EYS: variants seen among roughly 807,000 people sequenced by gnomAD.
The protein encoded by EYS is EGF-like photoreceptor maintenance factor.
A neutral mutation model predicts 282.1 loss-of-function variants in EYS; 250 were observed. That is an observed-to-expected ratio of 0.89 (90% CI 0.80 to 0.98). EYS has a LOEUF of 0.98. Among genes scored for constraint, EYS ranks in the 50% least tolerant of loss-of-function variants. EYS has a pLI of 0.00. For synonymous variants in EYS, 1,355 were observed against 1,282.9 expected (o/e 1.06, Z -1.20); for missense variants, 4,016 against 3,709.0 (o/e 1.08, Z -2.15).
intron 2 of EYS, among the ~76,000 whole-genome samples, chr6:65,525,600 A>G (rs1276817081): frequency 6.6e-6 from 1 of 152,252 alleles, no homozygotes; most frequent in Non-Finnish European, 1.5e-5. Context: ...TTAATCTAAC[A>G]AAGGTATTGT....
chr6:64,749,706 A>G (rs1772678178), intron 22 of EYS, among the ~76,000 whole-genome samples: 1 of 152,170 alleles, frequency 6.6e-6, no homozygotes, highest in Non-Finnish European at 1.5e-5. Context: ...ATCAAAAACT[A>G]AAGCAGATTT....
chr6:64,694,271 G>A (rs1203199156), intron 22 of EYS, among the ~76,000 whole-genome samples: 1 of 151,890 alleles, frequency 6.6e-6, no homozygotes, highest in Non-Finnish European at 1.5e-5. Flanking sequence ...AGGAACATGG[G>A]GTCACAACAT....
At chr6:63,907,987 TAC>T (rs60426309) in intron 35 of EYS, among the ~76,000 whole-genome samples, 17,721 of 105,414 alleles carry the variant, frequency 0.17, 1,425 homozygotes, top group African/African-American at 0.27. Flanking sequence ...TGTATATATG[TAC>T]ACACACACAC....
chr6:63,877,833 G>A (rs918998405), intron 35 of EYS, among the ~76,000 whole-genome samples: 1 of 152,074 alleles, frequency 6.6e-6, no homozygotes, highest in Non-Finnish European at 1.5e-5. Context: ...GTCAATTAAG[G>A]TCTTCTCTAC....
chr6:65,207,472 G>A (rs749278480), intron 12 of EYS, among the ~76,000 whole-genome samples: 6 of 151,628 alleles, frequency 4.0e-5, no homozygotes, highest in Non-Finnish European at 8.9e-5. Flanking sequence ...TCTACAGATT[G>A]AATGCAATTC....
chr6:65,616,942 C>A (rs2149798506), intron 2 of EYS, among the ~76,000 whole-genome samples: 1 of 152,154 alleles, frequency 6.6e-6, no homozygotes, highest in East Asian at 1.9e-4. Context: ...ATTTCCCTGG[C>A]TTATTTATAC....
intron 7 of EYS, among the ~76,000 whole-genome samples, chr6:65,391,921 T>C (rs1412899881): frequency 1.3e-5 from 2 of 152,096 alleles, no homozygotes; most frequent in African/African-American, 4.8e-5. Context: ...CTTCAAACTA[T>C]ACTACAAGGC....
chr6:65,364,437 G>A (rs983113789), intron 8 of EYS, among the ~76,000 whole-genome samples: 18 of 150,994 alleles, frequency 1.2e-4, no homozygotes, highest in African/African-American at 4.4e-4. Context: ...CCTTGCATGA[G>A]TTGAAAAAAA....
chr6:63,908,012 G>GTATATATATATA (rs57451331), intron 35 of EYS, among the ~76,000 whole-genome samples: 2 of 131,152 alleles, frequency 1.5e-5, no homozygotes, highest in African/African-American at 5.8e-5. Context: ...ACACACAAAC[G>GTATATATATATA]TATATATATA....
intron 36 of EYS, among the ~76,000 whole-genome samples, chr6:63,828,742 C>A (rs1365977767): frequency 1.3e-5 from 2 of 152,132 alleles, no homozygotes; most frequent in African/African-American, 4.8e-5. Context: ...AAATGCAAAT[C>A]AAAACCACAA....
intron 26 of EYS, among the ~76,000 whole-genome samples, chr6:64,530,796 CT>C (rs1198791588): frequency 1.3e-5 from 2 of 151,986 alleles, no homozygotes; most frequent in East Asian, 1.9e-4. Flanking sequence ...CATTTGGTAA[CT>C]TTTTTTTAAA....
intron 19 of EYS, among the ~76,000 whole-genome samples, chr6:64,866,770 A>C (rs1766438022): frequency 6.6e-6 from 1 of 151,786 alleles, no homozygotes; most frequent in African/African-American, 2.4e-5. Context: ...CTGCTATGAA[A>C]CAAATACTTT....
chr6:64,711,763 T>G (rs1360625222), intron 22 of EYS, among the ~76,000 whole-genome samples: 1 of 152,200 alleles, frequency 6.6e-6, no homozygotes. Context: ...CAGAACCTTT[T>G]CAGACTTGCG....
chr6:65,578,899 A>G (rs948661074), intron 2 of EYS, among the ~76,000 whole-genome samples: 2 of 152,144 alleles, frequency 1.3e-5, no homozygotes, highest in African/African-American at 2.4e-5. Flanking sequence ...AAGCACAAAG[A>G]TTACAACGTA....
chr6:63,797,636 T>C (rs1337218911), intron 37 of EYS: 3 of 152,234 alleles, frequency 2.0e-5, no homozygotes, highest in Non-Finnish European at 4.4e-5. Flanking sequence ...TTCTAGGGTT[T>C]TGAGAGCATT....
intron 2 of EYS, among the ~76,000 whole-genome samples, chr6:65,587,441 G>C (rs1457368499): frequency 1.6e-4 from 25 of 152,022 alleles, no homozygotes; most frequent in Admixed American, 1.6e-3. Context: ...GTTCTCATGA[G>C]ATCTGATGGT....
chr6:63,841,961 T>C (rs988748117), intron 36 of EYS, among the ~76,000 whole-genome samples: 1 of 152,234 alleles, frequency 6.6e-6, no homozygotes, highest in Non-Finnish European at 1.5e-5. Flanking sequence ...TATGGCTGCA[T>C]AGTATTCCAT....
chr6:63,765,141 G>C (rs1468869927), intron 40 of EYS, among the ~76,000 whole-genome samples: 1 of 152,002 alleles, frequency 6.6e-6, no homozygotes, highest in Non-Finnish European at 1.5e-5. Flanking sequence ...TCTATTTAAA[G>C]AATGTTTATT....
At chr6:64,707,423 A>G (rs1562146731) in intron 22 of EYS, among the ~76,000 whole-genome samples, 2 of 152,046 alleles carry the variant, frequency 1.3e-5, no homozygotes, top group Admixed American at 6.6e-5. Flanking sequence ...TAATCCCAGC[A>G]CTTTGGGAGA....
Sources: allele counts gnomAD v4.1 joint callset (sites outside exome capture counted in the v4.1 genomes callset), GRCh38; gene constraint gnomAD v4.1.1; transcripts MANE v1.5; gene names NCBI Gene and HGNC (gene_info 2026-07-23, HGNC 2026-07-21).